The following MSRA variants were observed in gnomAD, a reference collection of about 807,000 sequenced individuals.
The protein encoded by MSRA is mitochondrial peptide methionine sulfoxide reductase.
A neutral mutation model predicts 31.3 loss-of-function variants in MSRA; 54 were observed. That is an observed-to-expected ratio of 1.73 (90% CI 1.39 to 2.17). The LOEUF is 2.17. Among genes scored for constraint, MSRA ranks in the 30% most tolerant of loss-of-function variants. The pLI is 0.00. For synonymous variants in MSRA, 169 were observed against 116.5 expected (o/e 1.45, Z -2.90); for missense variants, 507 against 300.9 (o/e 1.69, Z -5.07).
At chr8:10,057,234 C>G (rs1444351694) in intron 1 of MSRA, among the ~76,000 whole-genome samples, 2 of 152,166 alleles carry the variant, frequency 1.3e-5, no homozygotes, top group African/African-American at 4.8e-5. Context: ...TAGGGGGCAT[C>G]TGGGCAGTGC....
intron 5 of MSRA, among the ~76,000 whole-genome samples, chr8:10,347,811 C>CT (rs1344576601): frequency 6.6e-6 from 1 of 152,208 alleles, no homozygotes. Flanking sequence ...GTTTCTAGGA[C>CT]ATGGCAGTTC....
chr8:10,364,578 C>G (rs774437729), intron 5 of MSRA, among the ~76,000 whole-genome samples: 7 of 152,178 alleles, frequency 4.6e-5, no homozygotes, highest in South Asian at 2.1e-4. Context: ...ATCAAGAGTT[C>G]CTGTTCTAAT....
intron 4 of MSRA, among the ~76,000 whole-genome samples, chr8:10,312,216 A>G (rs867802034): frequency 6.6e-6 from 1 of 152,192 alleles, no homozygotes; most frequent in African/African-American, 2.4e-5. Context: ...AAGATCAAAA[A>G]AGCCAAGAGT....
intron 5 of MSRA, among the ~76,000 whole-genome samples, chr8:10,328,110 T>A (rs1193169737): frequency 1.5e-5 from 2 of 131,288 alleles, no homozygotes; most frequent in African/African-American, 2.9e-5. Flanking sequence ...AGAACTACCC[T>A]CTGGACTCCA....
At chr8:10,277,748 T>C (rs114538299) in intron 3 of MSRA, among the ~76,000 whole-genome samples, 1 of 152,362 alleles carries the variant, frequency 6.6e-6, no homozygotes, top group African/African-American at 2.4e-5. Flanking sequence ...ACTTATTAGC[T>C]TATAATTTTT....
At chr8:10,153,578 C>T (rs116486010) in intron 1 of MSRA, among the ~76,000 whole-genome samples, 3,193 of 152,196 alleles carry the variant, frequency 0.021, 104 homozygotes, top group African/African-American at 0.071. Context: ...GGTAGAGATA[C>T]ACTGATCTTT....
chr8:10,191,537 A>G (rs1807504964), intron 1 of MSRA, among the ~76,000 whole-genome samples: 1 of 152,248 alleles, frequency 6.6e-6, no homozygotes. Flanking sequence ...AAAGTGCTAA[A>G]AGCCCTACTT....
In MSRA at chr8:10,225,822, G is replaced by C. The variant is rs572529115; in HGVS notation, c.211+17921G>C. Among the ~76,000 whole-genome samples, 60 of 152,324 alleles carry C rather than the reference G, an allele frequency of 3.9e-4. No homozygotes were observed. In the South Asian group the frequency reaches 0.012, roughly 30 times the overall value. On this transcript the variant is annotated intron_variant, in intron 2 of 5. Transcript: ENST00000317173. ...TAGGTGAAGGGAACTAGTGTTTACT[G>C]ACCATCTACCGGGTGCCAAGCCATG...
intron 2 of MSRA, among the ~76,000 whole-genome samples, chr8:10,217,093 C>A (rs1298742078): frequency 6.6e-6 from 1 of 152,190 alleles, no homozygotes; most frequent in Non-Finnish European, 1.5e-5. Context: ...AAAATTATAG[C>A]CATCCTAATG....
At chr8:10,274,582 C>A (rs1248904687) in intron 3 of MSRA, among the ~76,000 whole-genome samples, 1 of 152,154 alleles carries the variant, frequency 6.6e-6, no homozygotes, top group Non-Finnish European at 1.5e-5. Flanking sequence ...ACCTGTGTTA[C>A]CTAAAGTGAG....
At chr8:10,371,014 A>C (rs140491660) in intron 5 of MSRA, among the ~76,000 whole-genome samples, 1,537 of 152,290 alleles carry the variant, frequency 0.01, 8 homozygotes, top group Middle Eastern at 0.031. Context: ...CACCCTCTGC[A>C]AATGATTCTT....
chr8:10,411,777 T>C (rs1342977989), intron 5 of MSRA, among the ~76,000 whole-genome samples: 1 of 152,268 alleles, frequency 6.6e-6, no homozygotes, highest in East Asian at 1.9e-4. Flanking sequence ...TTTAAGAAAT[T>C]ACAATTGCTT....
At chr8:10,136,506 A>G (rs1260978445) in intron 1 of MSRA, among the ~76,000 whole-genome samples, 1 of 152,236 alleles carries the variant, frequency 6.6e-6, no homozygotes, top group African/African-American at 2.4e-5. Context: ...CAGTAGCCGT[A>G]TGGAATCATA....
At chr8:10,340,444 C>A (rs1036580969) in intron 5 of MSRA, among the ~76,000 whole-genome samples, 1 of 152,248 alleles carries the variant, frequency 6.6e-6, no homozygotes, top group African/African-American at 2.4e-5. Flanking sequence ...GTGATCTTGG[C>A]TCACTGCAAC....
intron 3 of MSRA, among the ~76,000 whole-genome samples, chr8:10,295,445 C>T (rs1359213509): frequency 6.6e-6 from 1 of 152,324 alleles, no homozygotes; most frequent in African/African-American, 2.4e-5. Context: ...ACCACGTGGG[C>T]CTAGACTGCT....
At chr8:10,126,549 G>T (rs1207910446) in intron 1 of MSRA, among the ~76,000 whole-genome samples, 1 of 152,110 alleles carries the variant, frequency 6.6e-6, no homozygotes, top group Admixed American at 6.5e-5. Flanking sequence ...GGGGTCTTCT[G>T]TCGCCCAGGC....
At chr8:10,273,800 T>A (rs945791166) in intron 3 of MSRA, among the ~76,000 whole-genome samples, 14 of 152,152 alleles carry the variant, frequency 9.2e-5, no homozygotes, top group Non-Finnish European at 1.6e-4. Flanking sequence ...CACAAACTAT[T>A]CCAATTACTT....
intron 1 of MSRA, among the ~76,000 whole-genome samples, chr8:10,167,286 C>G (rs1239222340): frequency 6.6e-6 from 1 of 152,210 alleles, no homozygotes; most frequent in African/African-American, 2.4e-5. Flanking sequence ...GCAGCCGATA[C>G]TGCTCTGTCC....
intron 4 of MSRA, among the ~76,000 whole-genome samples, chr8:10,311,230 A>G (rs1340865280): frequency 2.0e-5 from 3 of 152,228 alleles, no homozygotes; most frequent in Admixed American, 6.5e-5. Flanking sequence ...ATAAAATACA[A>G]CTATATATAT....
Sources: gnomAD v4.1 joint callset for allele counts (sites outside exome capture counted in the v4.1 genomes callset) on GRCh38, gnomAD v4.1.1 for gene constraint, MANE v1.5 for transcripts, NCBI Gene and HGNC (gene_info 2026-07-23, HGNC 2026-07-21) for gene names.